The following GRID2 variants were observed in gnomAD, a reference collection of about 807,000 sequenced individuals.
The protein encoded by GRID2 is glutamate ionotropic receptor delta type subunit 2.
A neutral mutation model predicts 114.8 loss-of-function variants in GRID2; 33 were observed. The ratio of observed to expected loss-of-function variants is 0.29; its 90% CI spans 0.22 to 0.38. The LOEUF is 0.38. GRID2 is among the 10% of genes least tolerant of loss of function. GRID2 has a pLI of 1.00. For synonymous variants in GRID2, 505 were observed against 449.9 expected, an observed-to-expected ratio of 1.12 and a Z score of -1.55; for missense variants, 1,184 against 1,257.7, an observed-to-expected ratio of 0.94 and a Z score of 0.89.
At chr4:92,954,913 A>G (rs1227240725) in intron 2 of GRID2, among the ~76,000 whole-genome samples, 6 of 135,414 alleles carry the variant, frequency 4.4e-5, no homozygotes, top group African/African-American at 1.4e-4. Context: ...ATGATTTCCA[A>G]TTTCATCCAT....
intron 2 of GRID2, among the ~76,000 whole-genome samples, chr4:92,875,161 TTTTTTTTTTTTTTTTC>T (rs1191346504): frequency 1.9e-4 from 28 of 144,460 alleles, no homozygotes; most frequent in African/African-American, 6.5e-4. Context: ...TTTTTTTTTT[TTTTTTTTTTTTTTTTC>T]CCGAGACGGA....
chr4:92,835,115 G>A (rs1742365611), intron 2 of GRID2, among the ~76,000 whole-genome samples: 1 of 151,526 alleles, frequency 6.6e-6, no homozygotes, highest in African/African-American at 2.4e-5. Context: ...AGTGCTCAAT[G>A]GAAAGTAAAA....
chr4:93,361,531 C>T (rs1374210998), intron 8 of GRID2, among the ~76,000 whole-genome samples: 1 of 150,864 alleles, frequency 6.6e-6, no homozygotes, highest in Non-Finnish European at 1.5e-5. Context: ...CTATTAGAGC[C>T]TATCTCTCTG....
intron 1 of GRID2, among the ~76,000 whole-genome samples, chr4:92,573,163 G>A (rs888480941): frequency 6.6e-6 from 1 of 151,920 alleles, no homozygotes; most frequent in African/African-American, 2.4e-5. Flanking sequence ...GGGGTCAGTG[G>A]TGATATCTCC....
rs375005652 is a variant in GRID2 at position 93,085,112 on chromosome 4, G to A, written c.362G>A (p.Arg121His). 7 of 1,614,058 alleles carry A rather than the reference G, an allele frequency of 4.3e-6. No individual in the cohort carries two copies. The highest frequency in any genetic ancestry group is 2.2e-5 in the East Asian group (1 of 44,864). The change falls in exon 3 of 16, where the codon CGC becomes CAC. Residue 121 changes from arginine (R) to histidine (H), a missense_variant. This residue lies in a region of GRID2 where 455 missense variants were observed against 429.5 expected (regional missense o/e 1.06). Transcript: ENST00000282020. ...AMHIPHLFIQ[R>H]STAGTPRSGC... ...CATATCCCCCACCTCTTCATTCAGC[G>A]CTCAACAGCTGGGACCCCAAGGAGT... is the stretch of plus-strand genomic sequence containing the variant.
At chr4:93,479,691 T>C (rs1725667765) in intron 11 of GRID2, among the ~76,000 whole-genome samples, 1 of 152,036 alleles carries the variant, frequency 6.6e-6, no homozygotes, top group Non-Finnish European at 1.5e-5. Context: ...CCAGGAGACA[T>C]AGAGAGAAGA....
At chr4:92,715,157 C>T (rs553305766) in intron 2 of GRID2, among the ~76,000 whole-genome samples, 1 of 152,294 alleles carries the variant, frequency 6.6e-6, no homozygotes, top group South Asian at 2.1e-4. Context: ...TCATCTCTCT[C>T]AAAGTTCCAC....
At chr4:92,908,179 G>T (rs976428754) in intron 2 of GRID2, among the ~76,000 whole-genome samples, 2 of 152,086 alleles carry the variant, frequency 1.3e-5, no homozygotes, top group Admixed American at 1.3e-4. Context: ...TTCCTAATCT[G>T]ATTTTGTTAA....
At chr4:92,610,145 C>T (rs1729649006) in intron 2 of GRID2, among the ~76,000 whole-genome samples, 1 of 151,598 alleles carries the variant, frequency 6.6e-6, no homozygotes, top group African/African-American at 2.4e-5. Flanking sequence ...ACTTCCAAGT[C>T]ATTCCAACTT....
At chr4:93,180,303 T>C (rs1343884456) in intron 4 of GRID2, among the ~76,000 whole-genome samples, 1 of 152,040 alleles carries the variant, frequency 6.6e-6, no homozygotes, top group African/African-American at 2.4e-5. Context: ...AATAGTATGA[T>C]GCCAAAGAAA....
intron 2 of GRID2, among the ~76,000 whole-genome samples, chr4:92,954,224 TATACACACACATATATATATACAAACAC>T (rs1450229988): frequency 1.3e-5 from 2 of 151,824 alleles, no homozygotes; most frequent in African/African-American, 4.8e-5. Context: ...CACACAAACA[TATACACACACATATATATATACAAACAC>T]ATACACACAT....
At chr4:93,277,942 A>G (rs1007963026) in intron 8 of GRID2, among the ~76,000 whole-genome samples, 5 of 152,172 alleles carry the variant, frequency 3.3e-5, no homozygotes, top group South Asian at 4.1e-4. Flanking sequence ...TAAAGACACT[A>G]TAAGACACAA....
chr4:92,425,852 A>C (rs1317888217), intron 1 of GRID2, among the ~76,000 whole-genome samples: 2 of 152,160 alleles, frequency 1.3e-5, no homozygotes, highest in African/African-American at 4.8e-5. Flanking sequence ...ATGCAAATTA[A>C]TATATTTAAA....
intron 12 of GRID2, among the ~76,000 whole-genome samples, chr4:93,501,677 A>G (rs1019256835): frequency 2.6e-5 from 4 of 152,078 alleles, no homozygotes; most frequent in African/African-American, 9.7e-5. Flanking sequence ...CATTTAATTA[A>G]AAGTTGTCTC....
At chr4:92,414,712 A>G (rs1054490311) in intron 1 of GRID2, among the ~76,000 whole-genome samples, 1 of 152,120 alleles carries the variant, frequency 6.6e-6, no homozygotes, top group African/African-American at 2.4e-5. Flanking sequence ...CATAAATTCT[A>G]TAGAATAACA....
intron 2 of GRID2, among the ~76,000 whole-genome samples, chr4:92,682,893 G>A (rs2169948): frequency 0.27 from 40,935 of 151,862 alleles, 5,782 homozygotes; most frequent in East Asian, 0.43. Context: ...TCATTGATTA[G>A]GCCACTATTA....
In GRID2 at chr4:92,815,758, T is replaced by G. The variant is rs144917735; in HGVS notation, c.244+225472T>G. Among the ~76,000 whole-genome samples the G allele has an allele frequency of 2.0e-3, 302 of 149,264 alleles. 1 individual carries two copies. Among genetic ancestry groups the G allele is most frequent in the African/African-American group, 7.1e-3 (287 of 40,634 alleles). ...TGATACTTCATCTCTACAAAATAAA[T>G]AAATAAATAAAAACTAACTGGGCAT... On this transcript the variant is annotated intron_variant, in intron 2 of 15. Transcript: ENST00000282020.
intron 13 of GRID2, among the ~76,000 whole-genome samples, chr4:93,560,412 C>T (rs969914241): frequency 1.3e-5 from 2 of 151,880 alleles, no homozygotes; most frequent in Non-Finnish European, 2.9e-5. Flanking sequence ...AAAGCAGGCA[C>T]ATCACATGGT....
intron 2 of GRID2, among the ~76,000 whole-genome samples, chr4:93,049,732 C>T (rs1281934582): frequency 6.6e-6 from 1 of 151,468 alleles, no homozygotes; most frequent in African/African-American, 2.4e-5. Context: ...ATTTTTTTTG[C>T]TCACTAATAT....
Sources: gnomAD v4.1 joint callset for allele counts (sites outside exome capture counted in the v4.1 genomes callset) on GRCh38, gnomAD v4.1.1 for gene constraint, gnomAD v4.1.1 regional missense constraint, MANE v1.5 for transcripts, NCBI Gene and HGNC (gene_info 2026-07-23, HGNC 2026-07-21) for gene names.